The following ARHGAP15 variants were observed in gnomAD, a reference collection of about 807,000 sequenced individuals.
ARHGAP15 encodes rho GTPase-activating protein 15.
In ARHGAP15, 51 loss-of-function variants were observed where a neutral mutation model predicts 63.7. That is an observed-to-expected ratio of 0.80 (90% CI 0.64 to 1.01). The LOEUF (loss-of-function observed/expected upper bound fraction) is 1.01. ARHGAP15 is among the 50% of genes least tolerant of loss of function. The probability of loss-of-function intolerance (pLI) is 0.00; values close to 1 mark genes in which losing one functional copy is unlikely to be tolerated. For missense variants in ARHGAP15, 560 were observed against 564.6 expected (o/e 0.99, Z 0.08); for synonymous variants, 191 against 193.8 (o/e 0.99, Z 0.12).
chr2:143,557,513 G>C (rs1695859023), intron 11 of ARHGAP15, among the ~76,000 whole-genome samples: 2 of 151,996 alleles, frequency 1.3e-5, no homozygotes, highest in Admixed American at 1.3e-4. Flanking sequence ...AGGGGATTTT[G>C]AGGGCAAACA....
intron 12 of ARHGAP15, chr2:143,648,906 G>A (rs189208528): frequency 1.7e-4 from 26 of 151,990 alleles, no homozygotes; most frequent in Non-Finnish European, 3.2e-4. Flanking sequence ...AGTCTTTGCA[G>A]TTCAACTATA....
chr2:143,613,266 T>C (rs1698329008), intron 11 of ARHGAP15, among the ~76,000 whole-genome samples: 1 of 152,216 alleles, frequency 6.6e-6, no homozygotes, highest in Non-Finnish European at 1.5e-5. Flanking sequence ...AAAGTAGGTT[T>C]GCCTTTTCCT....
chr2:143,386,198 C>A (rs1484823352), intron 6 of ARHGAP15, among the ~76,000 whole-genome samples: 3 of 152,028 alleles, frequency 2.0e-5, no homozygotes, highest in South Asian at 2.1e-4. Context: ...GCTGATATAT[C>A]ATTTGTGTAT....
intron 2 of ARHGAP15, among the ~76,000 whole-genome samples, chr2:143,164,390 C>A (rs1474367345): frequency 2.0e-5 from 3 of 152,018 alleles, no homozygotes; most frequent in Non-Finnish European, 4.4e-5. Context: ...AGCAATGTGG[C>A]AATCTCACGG....
At chr2:143,336,484 C>G (rs1684780396) in intron 6 of ARHGAP15, among the ~76,000 whole-genome samples, 1 of 152,096 alleles carries the variant, frequency 6.6e-6, no homozygotes, top group Non-Finnish European at 1.5e-5. Flanking sequence ...CATTGAAAGA[C>G]AAAATAATTA....
intron 13 of ARHGAP15, among the ~76,000 whole-genome samples, chr2:143,726,428 A>AG: frequency 6.6e-6 from 1 of 152,266 alleles, no homozygotes; most frequent in East Asian, 1.9e-4. Context: ...AACAACCAAA[A>AG]AAAAAAGAAA....
chr2:143,473,800 T>C (rs778254577), intron 8 of ARHGAP15, among the ~76,000 whole-genome samples: 6 of 152,220 alleles, frequency 3.9e-5, no homozygotes, highest in Non-Finnish European at 8.8e-5. Context: ...ATTTAATCTG[T>C]GCATTTCCAA....
chr2:143,436,435 A>G (rs913534694), intron 7 of ARHGAP15, among the ~76,000 whole-genome samples: 19 of 152,206 alleles, frequency 1.2e-4, no homozygotes, highest in African/African-American at 4.3e-4. Flanking sequence ...TAACAAATTT[A>G]CTTTTTCCTG....
In ARHGAP15 at chr2:143,661,106, C is replaced by G. The variant is rs117675538; in HGVS notation, c.1138+36839C>G. On this transcript the variant is annotated intron_variant, in intron 12 of 13. Transcript: ENST00000295095. ...AACCAGCAACGTTGCATCTCTCTGA[C>G]ATTCTTCCATTCTCATGTCTCTCAC... 2.0e-4 allele frequency among the ~76,000 whole-genome samples: 31 copies of G among 152,314 alleles called. No individual in the cohort carries two copies. In the East Asian group the frequency reaches 5.8e-3, roughly 28 times the overall value.
At chr2:143,352,916 A>G (rs1685633895) in intron 6 of ARHGAP15, among the ~76,000 whole-genome samples, 1 of 152,204 alleles carries the variant, frequency 6.6e-6, no homozygotes, top group South Asian at 2.1e-4. Flanking sequence ...ACAATCTTTG[A>G]AAGTTCCATT....
At position 143,167,814 on chromosome 2, in the gene ARHGAP15, T is replaced by A. The variant is rs529565194; in HGVS notation, c.165+12159T>A. Among the ~76,000 whole-genome samples the A allele has an allele frequency of 1.4e-4, 21 of 152,270 alleles. 1 individual carries two copies. The East Asian group carries it at 3.9e-3, about 28-fold the overall frequency. ...AGGCAATATGACCAGAGGTACTTTT[T>A]ATTTGGTTGGAATGGTGTTTTTAAT... On this transcript the variant is annotated intron_variant, in intron 2 of 13. Transcript: ENST00000295095.
chr2:143,413,966 T>TGTGTGTGTGTGTGTGC, intron 6 of ARHGAP15, among the ~76,000 whole-genome samples: 1 of 117,910 alleles, frequency 8.5e-6, no homozygotes, highest in Non-Finnish European at 1.7e-5. Context: ...TGTGTGTGTG[T>TGTGTGTGTGTGTGTGC]GCGCGCTCTC....
chr2:143,169,423 A>G (rs1251091659), intron 2 of ARHGAP15, among the ~76,000 whole-genome samples: 1 of 152,010 alleles, frequency 6.6e-6, no homozygotes, highest in African/African-American at 2.4e-5. Flanking sequence ...TCCCCTGAGG[A>G]CCATAAGAAA....
chr2:143,259,444 T>C (rs1680601978), intron 6 of ARHGAP15, among the ~76,000 whole-genome samples: 1 of 152,050 alleles, frequency 6.6e-6, no homozygotes, highest in African/African-American at 2.4e-5. Flanking sequence ...TGGAAAAAAA[T>C]GCTGGCTTCA....
At chr2:143,153,812 CTTCTTCTTCT>C (rs1558779220) in intron 1 of ARHGAP15, among the ~76,000 whole-genome samples, 5 of 75,810 alleles carry the variant, frequency 6.6e-5, no homozygotes, top group Non-Finnish European at 1.3e-4. Flanking sequence ...TCTTCTTCTT[CTTCTTCTTCT>C]TCTTCTTCTT....
At chr2:143,267,635 C>T (rs1312374639) in intron 6 of ARHGAP15, among the ~76,000 whole-genome samples, 1 of 152,072 alleles carries the variant, frequency 6.6e-6, no homozygotes, top group East Asian at 1.9e-4. Flanking sequence ...TGGGTTTAGT[C>T]CTTTTTCCAA....
intron 6 of ARHGAP15, among the ~76,000 whole-genome samples, chr2:143,317,218 T>A (rs1683763365): frequency 7.2e-6 from 1 of 138,600 alleles, no homozygotes; most frequent in African/African-American, 2.5e-5. Flanking sequence ...CCTATAAGAG[T>A]ACCAGATAAA....
chr2:143,612,853 A>G (rs1698309317), intron 11 of ARHGAP15, among the ~76,000 whole-genome samples: 2 of 152,206 alleles, frequency 1.3e-5, no homozygotes, highest in Admixed American at 1.3e-4. Context: ...AACTAATAAC[A>G]GTACATCCAG....
rs866535757 is a variant in ARHGAP15 at position 143,303,863 on chromosome 2, T to C, written c.474+53263T>C. Among the ~76,000 whole-genome samples, 13 of 152,278 alleles carry C rather than the reference T, an allele frequency of 8.5e-5. 1 individual carries two copies. The highest frequency in any genetic ancestry group is 3.4e-3 in the Middle Eastern group (1 of 294). On this transcript the variant is annotated intron_variant, in intron 6 of 13. Transcript: ENST00000295095. ...CAGACACATGAAAAAATGCTCATCA[T>C]CACTGGCCATCAGAGAAATGCAAAT...
Sources: gnomAD v4.1 joint callset for allele counts (sites outside exome capture counted in the v4.1 genomes callset) on GRCh38, gnomAD v4.1.1 for gene constraint, MANE v1.5 for transcripts, NCBI Gene and HGNC (gene_info 2026-07-23, HGNC 2026-07-21) for gene names.